The following GAS7 variants were observed in gnomAD, a reference collection of about 807,000 sequenced individuals.
The protein encoded by GAS7 is growth arrest-specific protein 7.
Under a neutral mutation model 71.1 loss-of-function variants are expected in GAS7, and 28 were observed. The ratio of observed to expected loss-of-function variants is 0.39; its 90% CI spans 0.29 to 0.54. GAS7 has a LOEUF of 0.54. GAS7 is among the 20% of genes least tolerant of loss of function. The pLI, the probability that GAS7 is intolerant of heterozygous loss-of-function variation, is 0.62. For missense variants in GAS7, 436 were observed against 627.8 expected, an observed-to-expected ratio of 0.69 and a Z score of 3.27; for synonymous variants, 258 against 245.8, an observed-to-expected ratio of 1.05 and a Z score of -0.46.
chr17:10,045,424 T>C (rs2072937322), intron 1 of GAS7, among the ~76,000 whole-genome samples: 1 of 152,040 alleles, frequency 6.6e-6, no homozygotes, highest in Non-Finnish European at 1.5e-5. Context: ...TGGCCGGGTG[T>C]GGTGGCTCAC....
chr17:10,141,700 T>C (rs4791386), intron 1 of GAS7, among the ~76,000 whole-genome samples: 137,447 of 152,178 alleles, frequency 0.9, 62,111 homozygotes, highest in East Asian at 1. Context: ...TAAATGGCCT[T>C]GGGCAAGTTC....
chr17:10,022,380 AC>A (rs2072303580), intron 1 of GAS7, among the ~76,000 whole-genome samples: 1 of 152,234 alleles, frequency 6.6e-6, no homozygotes, highest in African/African-American at 2.4e-5. Flanking sequence ...CTTCAATCAA[AC>A]ATGGGAAAGC....
chr17:9,981,952 CAGA>C lies in GAS7; in HGVS notation c.305-71_305-69del. 1.1e-6 allele frequency: 1 copy of C among 877,882 alleles called. No homozygotes were observed. The highest frequency in any genetic ancestry group is 2.0e-6 in the Non-Finnish European group (1 of 512,588). 54.4% of individuals were successfully genotyped at this position (877,882 alleles called of 1,614,324 possible). ...AGGGCAGAACCTGAGTTTCACAGAGCAGAAGGAGATGCTCAGAGCTGGAGAAAA... is the reference window on the plus strand; with the variant it reads ...AGGGCAGAACCTGAGTTTCACAGAGCAGGAGATGCTCAGAGCTGGAGAAAA... On this transcript the variant is annotated intron_variant, in intron 2 of 13. Coordinates refer to ENST00000432992, the MANE Select transcript of GAS7 (RefSeq NM_201433.2). This position sits in a 1 kb window ranked among gnomAD's most constrained non-coding sequence, Gnocchi z 4.4.
At chr17:10,182,756 C>T (rs1405205505) in intron 1 of GAS7, among the ~76,000 whole-genome samples, 3 of 152,302 alleles carry the variant, frequency 2.0e-5, no homozygotes, top group African/African-American at 4.8e-5. Context: ...CCCTACAACA[C>T]GGGCCCAGGA....
intron 1 of GAS7, among the ~76,000 whole-genome samples, chr17:10,046,683 C>T (rs1273936922): frequency 1.3e-5 from 2 of 148,592 alleles, no homozygotes; most frequent in Non-Finnish European, 3.0e-5. Flanking sequence ...TTGCAGTGAG[C>T]CGAGATCACG....
At chr17:9,947,669 G>A (rs1006336626) in intron 5 of GAS7, among the ~76,000 whole-genome samples, 32 of 151,936 alleles carry the variant, frequency 2.1e-4, no homozygotes, top group African/African-American at 7.5e-4. Context: ...ACTTGGACCC[G>A]GGAGGCAGAG....
At position 10,034,712 on chromosome 17, in the gene GAS7, G is replaced by C. The variant is rs1390657202; in HGVS notation, c.184-14815C>G. 6.6e-6 allele frequency among the ~76,000 whole-genome samples: 1 copy of C among 152,204 alleles called. No homozygotes were observed. Among genetic ancestry groups the C allele is most frequent in the Non-Finnish European group, 1.5e-5 (1 of 68,034 alleles). ...AGTGTAGACATGGGCATCATGTCTA[G>C]GAGGCATCTGACTGTTCCTGAAACG... On this transcript the variant is annotated intron_variant, in intron 1 of 13. Transcript: ENST00000432992. This position sits in a 1 kb window ranked among gnomAD's most constrained non-coding sequence, Gnocchi z 4.4.
intron 1 of GAS7, among the ~76,000 whole-genome samples, chr17:10,190,357 G>A (rs1337879680): frequency 6.6e-6 from 1 of 152,188 alleles, no homozygotes; most frequent in African/African-American, 2.4e-5. Flanking sequence ...GGCCAAGGCG[G>A]GCGGATCATG....
In GAS7 at chr17:9,926,081, G is replaced by A. The variant is rs1047004603; in HGVS notation, c.1015-482C>T. Among the ~76,000 whole-genome samples, 1 of 151,970 alleles carries A rather than the reference G, an allele frequency of 6.6e-6. No individual in the cohort carries two copies. The highest frequency in any genetic ancestry group is 6.6e-5 in the Admixed American group (1 of 15,242). On this transcript the variant is annotated intron_variant, in intron 10 of 13. Coordinates refer to ENST00000432992, the MANE Select transcript of GAS7 (RefSeq NM_201433.2). This position sits in a 1 kb window ranked among gnomAD's most constrained non-coding sequence, Gnocchi z 5.0. ...ACTGGCATCTCTGTGGTCCTTGGGT[G>A]GCGGCAGTTGGCTGGGCCCAGGGTG...
Position 9,959,570 on chromosome 17 carries a change from G to T in GAS7, c.472-315C>A. 1.3e-6 allele frequency: 1 copy of T among 762,520 alleles called. No individual in the cohort carries two copies. Among genetic ancestry groups the T allele is most frequent in the Non-Finnish European group, 1.8e-6 (1 of 545,850 alleles). The allele number at this position is 762,520 out of a possible 1,614,324, so 47.2% of individuals were successfully genotyped here. A position where few individuals can be genotyped will look rare whatever the true frequency, so the allele number is the denominator to read the frequency against. On this transcript the variant is annotated intron_variant, in intron 4 of 13. Transcript: ENST00000432992. This position sits in a 1 kb window ranked among gnomAD's most constrained non-coding sequence, Gnocchi z 5.0. Reference sequence around the variant, plus strand: ...GTTAACCCCTCCGCTGCCCTCTGCTGGTGAACGTTCCGCGTGCCGCTTGCT... The same window carrying T: ...GTTAACCCCTCCGCTGCCCTCTGCTTGTGAACGTTCCGCGTGCCGCTTGCT...
rs2067738985 is a variant in GAS7, at chr17:9,919,969, T to TG, written c.1139-265_1139-264insC. ...AGGATTCAGGATGGTGGTTCTCATT[T>TG]TGTGTGTGTGTGTGTGTGTGTGTGT... On this transcript the variant is annotated intron_variant, in intron 11 of 13. Transcript: ENST00000432992. The surrounding 1 kb of genome is among the most constrained non-coding windows in gnomAD (Gnocchi z 5.0). Among the ~76,000 whole-genome samples, 20 of 131,498 alleles carry TG rather than the reference T, an allele frequency of 1.5e-4. No individual in the cohort carries two copies. Among genetic ancestry groups the TG allele is most frequent in the Admixed American group, 5.4e-4 (7 of 12,864 alleles). The allele number at this position is 131,498 out of a possible 152,430, so 86.3% of individuals were successfully genotyped here. A position where few individuals can be genotyped will look rare whatever the true frequency, so the allele number is the denominator to read the frequency against.
rs539789446 is a variant in GAS7 at position 9,943,053 on chromosome 17, G to A, written c.731+68C>T. The A allele has an allele frequency of 1.6e-4, 162 of 984,802 alleles. No homozygotes were observed. The South Asian group carries it at 1.8e-3, about 11-fold the overall frequency. 61.0% of individuals were successfully genotyped at this position (984,802 alleles called of 1,614,324 possible). A position where few individuals can be genotyped will look rare whatever the true frequency, so the allele number is the denominator to read the frequency against. On this transcript the variant is annotated intron_variant, in intron 7 of 13. Transcript: ENST00000432992. Reference sequence around the variant, plus strand: ...GTACTGAGTCCTGTGCTGTCGCCCCGCCCCGGCCACGGGGCCCCGGGGAAC... The same window carrying A: ...GTACTGAGTCCTGTGCTGTCGCCCCACCCCGGCCACGGGGCCCCGGGGAAC...
At chr17:10,146,682 G>T (rs944235697) in intron 1 of GAS7, among the ~76,000 whole-genome samples, 3 of 152,134 alleles carry the variant, frequency 2.0e-5, no homozygotes, top group Non-Finnish European at 2.9e-5. Context: ...ATGCTCAAGG[G>T]TTAACAGCGT....
Position 9,927,316 on chromosome 17 carries a change from C to CACACACAT in GAS7, c.886-548_886-547insATGTGTGT, listed in dbSNP as rs1555589726. The stretch of plus-strand genomic sequence containing the variant: ...ACACACACACACACACACACACACA[C>CACACACAT]ACACACACACACACACACAAATTAG... On this transcript the variant is annotated intron_variant, in intron 9 of 13. Coordinates refer to ENST00000432992, the MANE Select transcript of GAS7 (RefSeq NM_201433.2). 2.7e-3 allele frequency among the ~76,000 whole-genome samples: 408 copies of CACACACAT among 150,006 alleles called. 1 individual carries two copies. Among genetic ancestry groups the CACACACAT allele is most frequent in the African/African-American group, 9.7e-3 (391 of 40,278 alleles).
At chr17:9,953,566 G>T (rs879543788) in intron 5 of GAS7, among the ~76,000 whole-genome samples, 1 of 152,220 alleles carries the variant, frequency 6.6e-6, no homozygotes, top group Non-Finnish European at 1.5e-5. Context: ...GGAAACTGAG[G>T]ATCACAGAAG....
chr17:10,024,128 A>C (rs796782380), intron 1 of GAS7, among the ~76,000 whole-genome samples: 2 of 152,194 alleles, frequency 1.3e-5, no homozygotes, highest in South Asian at 4.1e-4. Context: ...TGTTTCAAAA[A>C]TAAAGAAAAA....
chr17:10,012,972 G>A (rs1422047055), intron 2 of GAS7, among the ~76,000 whole-genome samples: 4 of 151,808 alleles, frequency 2.6e-5, no homozygotes, highest in South Asian at 2.1e-4. Context: ...GCGTGGTGGC[G>A]GGCACTTATA....
chr17:9,920,671 G>A (rs922656495), intron 11 of GAS7, among the ~76,000 whole-genome samples: 1 of 152,192 alleles, frequency 6.6e-6, no homozygotes, highest in Non-Finnish European at 1.5e-5. Context: ...GTGTGTGCAC[G>A]TGGCAGGCAG....
intron 2 of GAS7, among the ~76,000 whole-genome samples, chr17:9,997,087 G>A (rs1383296686): frequency 6.6e-6 from 1 of 152,158 alleles, no homozygotes; most frequent in Non-Finnish European, 1.5e-5. Flanking sequence ...TTAGCGTATG[G>A]TAAAGAGGTG....
Sources: allele counts gnomAD v4.1 joint callset (sites outside exome capture counted in the v4.1 genomes callset), GRCh38; gene constraint gnomAD v4.1.1; non-coding constraint Gnocchi (gnomAD v3.1); transcripts MANE v1.5; gene names NCBI Gene and HGNC (gene_info 2026-07-23, HGNC 2026-07-21).